The following WDR47 variants were observed in gnomAD, a reference collection of about 807,000 sequenced individuals.
The protein encoded by WDR47 is WD repeat-containing protein 47.
In WDR47, 32 loss-of-function variants were observed where a neutral mutation model predicts 97.2. The observed-to-expected ratio is 0.33, with a 90% CI of 0.25 to 0.44. The LOEUF is 0.44. Ranked by LOEUF, WDR47 falls within the 20% of genes least tolerant of loss-of-function variation. The pLI is 1.00. For missense variants in WDR47, 782 were observed against 1,102.3 expected (o/e 0.71, Z 4.11); for synonymous variants, 375 against 373.5 (o/e 1.00, Z -0.05).
chr1:108,999,181 C>T (rs1165827289), intron 7 of WDR47, among the ~76,000 whole-genome samples: 4 of 150,680 alleles, frequency 2.7e-5, no homozygotes, highest in African/African-American at 9.8e-5. Context: ...GAGCTGAGAT[C>T]GCGCCACTGC....
chr1:109,015,730 G>A (rs1426755417), intron 3 of WDR47, among the ~76,000 whole-genome samples: 1 of 150,724 alleles, frequency 6.6e-6, no homozygotes, highest in African/African-American at 2.4e-5. Context: ...GCTCAAGCCT[G>A]TAATCCCAGC....
At chr1:109,036,095 T>C (rs1263734302) in intron 1 of WDR47, among the ~76,000 whole-genome samples, 3 of 152,148 alleles carry the variant, frequency 2.0e-5, no homozygotes, top group Non-Finnish European at 2.9e-5. Flanking sequence ...CCAACTAAAG[T>C]ACAATCCCCA....
intron 7 of WDR47, among the ~76,000 whole-genome samples, chr1:108,996,405 TTC>T (rs1466834370): frequency 1.3e-5 from 2 of 152,066 alleles, no homozygotes; most frequent in Non-Finnish European, 2.9e-5. Flanking sequence ...AGAAAAAAAA[TTC>T]TTTTTCTTCC....
chr1:108,975,203 A>G (rs1472337467), intron 13 of WDR47, among the ~76,000 whole-genome samples: 2 of 152,200 alleles, frequency 1.3e-5, no homozygotes, highest in Admixed American at 1.3e-4. Flanking sequence ...ATTACTGCCA[A>G]TAGGAACTGT....
At chr1:109,021,815 C>T (rs187001960) in intron 2 of WDR47, among the ~76,000 whole-genome samples, 56 of 151,964 alleles carry the variant, frequency 3.7e-4, no homozygotes, top group African/African-American at 1.4e-3. Flanking sequence ...GCGTAAGCCA[C>T]CACGCCTGGC....
At chr1:109,021,493 A>C (rs982162736) in intron 2 of WDR47, among the ~76,000 whole-genome samples, 3 of 138,202 alleles carry the variant, frequency 2.2e-5, no homozygotes, top group Admixed American at 8.2e-5. Context: ...ATGCCACTGC[A>C]CCCCAGCCTA....
intron 1 of WDR47, among the ~76,000 whole-genome samples, chr1:109,025,477 T>C (rs879846704): frequency 1.4e-5 from 2 of 147,568 alleles, no homozygotes; most frequent in African/African-American, 2.5e-5. Flanking sequence ...GGCTCACACC[T>C]GTAATCCCAG....
intron 1 of WDR47, among the ~76,000 whole-genome samples, chr1:109,026,798 G>A (rs1358720009): frequency 2.0e-5 from 3 of 151,980 alleles, no homozygotes; most frequent in Non-Finnish European, 1.5e-5. Flanking sequence ...ACTCTGAATG[G>A]AATTTATGGC....
At chr1:108,981,907 C>G in intron 12 of WDR47, 43 bp from the exon 13 acceptor site, 1 of 1,585,528 alleles carries the variant, frequency 6.3e-7, no homozygotes, top group East Asian at 2.3e-5. Context: ...GGGAGAGTAT[C>G]TTTCCATAAC....
chr1:108,991,200 CA>C, intron 9 of WDR47, 53 bp downstream of exon 9: 1 of 1,532,912 alleles, frequency 6.5e-7, no homozygotes, highest in South Asian at 1.1e-5. Context: ...AATTTCTTAG[CA>C]AAATTTACAG....
At chr1:108,975,191 A>C (rs1374310420) in intron 13 of WDR47, among the ~76,000 whole-genome samples, 2 of 152,206 alleles carry the variant, frequency 1.3e-5, no homozygotes. Context: ...AAGCAACACA[A>C]GATTACTGCC....
Position 108,986,874 on chromosome 1 carries a change from AAC to A in WDR47, c.1768-196_1768-195del, listed in dbSNP as rs1424770043. On this transcript the variant is annotated intron_variant, in intron 9 of 14. Coordinates refer to ENST00000369962, the MANE Select transcript of WDR47 (RefSeq NM_001142551.2). Reference sequence around the variant, plus strand: ...TCTTACTAATATCCTTTAAGAGGCAAACACACAGACAAGTAGGCTACAGTGAA... The same window carrying A: ...TCTTACTAATATCCTTTAAGAGGCAAACACAGACAAGTAGGCTACAGTGAA... 5.6e-5 allele frequency: 27 copies of A among 479,286 alleles called. No individual in the cohort carries two copies. The Admixed American group carries it at 8.6e-4, about 15-fold the overall frequency. 29.7% of individuals were successfully genotyped at this position (479,286 alleles called of 1,614,324 possible). A position where few individuals can be genotyped will look rare whatever the true frequency, so the allele number is the denominator to read the frequency against.
At chr1:109,023,596 CA>C in intron 1 of WDR47, 75 bp from the exon 2 acceptor site, 1 of 1,431,874 alleles carries the variant, frequency 7.0e-7, no homozygotes. Flanking sequence ...GGCAACTACA[CA>C]TAACAGGTTT....
chr1:109,004,259 C>A (rs1414313161), intron 6 of WDR47, among the ~76,000 whole-genome samples: 7 of 149,592 alleles, frequency 4.7e-5, no homozygotes, highest in African/African-American at 1.7e-4. Flanking sequence ...AACAAGACTC[C>A]GTCTCAAAAA....
chr1:109,012,862 G>A (rs1043419106), intron 4 of WDR47, among the ~76,000 whole-genome samples: 3 of 152,096 alleles, frequency 2.0e-5, no homozygotes, highest in African/African-American at 7.2e-5. Flanking sequence ...ATGTTCCAGT[G>A]TTCTTTTCAC....
At chr1:109,003,287 T>C (rs1460523381) in intron 6 of WDR47, among the ~76,000 whole-genome samples, 11 of 152,158 alleles carry the variant, frequency 7.2e-5, no homozygotes, top group Non-Finnish European at 1.2e-4. Context: ...ATTTCTCCCT[T>C]CAGCTCTCTC....
intron 3 of WDR47, among the ~76,000 whole-genome samples, chr1:109,015,316 T>C (rs1185052607): frequency 6.6e-6 from 1 of 152,140 alleles, no homozygotes; most frequent in Non-Finnish European, 1.5e-5. Flanking sequence ...ATTTTATTTA[T>C]TTGTTTGTTT....
chr1:109,016,718 G>GA (rs1224999910), intron 3 of WDR47, among the ~76,000 whole-genome samples: 1 of 151,674 alleles, frequency 6.6e-6, no homozygotes, highest in Non-Finnish European at 1.5e-5. Flanking sequence ...TGTAGGAAGA[G>GA]AACAGAATTC....
intron 5 of WDR47, among the ~76,000 whole-genome samples, chr1:109,008,187 C>G (rs1380630633): frequency 1.3e-5 from 2 of 152,108 alleles, no homozygotes; most frequent in Admixed American, 1.3e-4. Flanking sequence ...CTCTAAAGCA[C>G]ATGAAAGAAA....
Sources: gnomAD v4.1 joint callset for allele counts (sites outside exome capture counted in the v4.1 genomes callset) on GRCh38, gnomAD v4.1.1 for gene constraint, MANE v1.5 for transcripts, NCBI Gene and HGNC (gene_info 2026-07-23, HGNC 2026-07-21) for gene names.